The following SLC25A38 variants were observed in gnomAD, a reference collection of about 807,000 sequenced individuals.
SLC25A38 encodes the protein solute carrier family 25 member 38.
SLC25A38 carries 27 observed loss-of-function variants against 33.4 expected under a neutral mutation model. The observed-to-expected ratio is 0.81, with a 90% confidence interval of 0.60 to 1.11. The LOEUF (loss-of-function observed/expected upper bound fraction) is 1.11, where lower values mean the gene tolerates loss of function less well. Ranked by LOEUF, SLC25A38 falls within the 50% of genes most tolerant of loss-of-function variation. SLC25A38 has a pLI of 0.00. For missense variants in SLC25A38, 344 were observed against 388.8 expected (o/e 0.88, Z 0.97); for synonymous variants, 123 against 145.9 (o/e 0.84, Z 1.13).
chr3:39,394,747 T>TA (rs1374743207), intron 6 of SLC25A38, among the ~76,000 whole-genome samples, 171 bp downstream of exon 6: 2 of 151,942 alleles, frequency 1.3e-5, no homozygotes, highest in Non-Finnish European at 2.9e-5. Context: ...GATTTTTTTT[T>TA]TAATGTTCCC....
chr3:39,383,764 G>C lies in SLC25A38; in HGVS notation c.40G>C (p.Asp14His). Residue 14 changes from aspartate (D) to histidine (H), a missense_variant, in exon 1 of 7, where the codon GAT (aspartate) becomes CAT (histidine). Asp to His is a moderately conservative substitution (Grantham distance 81). Coordinates refer to ENST00000650617, the MANE Select transcript of SLC25A38 (RefSeq NM_017875.4). ...NSRPSLLQPQ[D>H]VGDTVETLML... The stretch of plus-strand genomic sequence containing the variant: ...ACGTCCGTCGCTGCTGCAACCCCAA[G>C]ATGTCGGAGACACGGTGGAAACGCT... 3 of 1,614,170 alleles carry C rather than the reference G, an allele frequency of 1.9e-6. No homozygotes were observed. Among genetic ancestry groups the C allele is most frequent in the Non-Finnish European group, 1.7e-6 (2 of 1,180,002 alleles).
chr3:39,394,919 A>ACC (rs2125583252), intron 6 of SLC25A38, among the ~76,000 whole-genome samples: 1 of 151,946 alleles, frequency 6.6e-6, no homozygotes, highest in Admixed American at 6.6e-5. Context: ...TGAAATTAGT[A>ACC]CTCTAATTGA....
At chr3:39,396,303 C>A in intron 6 of SLC25A38, 95 bp from the exon 7 acceptor site, 1 of 1,573,404 alleles carries the variant, frequency 6.4e-7, no homozygotes, top group Non-Finnish European at 8.7e-7. Flanking sequence ...AAGTCTTAAA[C>A]ATGGGATAAC....
rs368788683 is a variant in SLC25A38 at position 39,391,919 on chromosome 3, C to T, written c.523C>T (p.Arg175Trp). The T allele has an allele frequency of 3.0e-5, 49 of 1,614,022 alleles. No individual in the cohort carries two copies. Among genetic ancestry groups the T allele is most frequent in the Non-Finnish European group, 3.6e-5 (43 of 1,180,030 alleles). ...LRSIYHSEGH[R>W]GLFSGLTATL... is the part of the protein sequence containing the mutation. ...GAGCATCTATCACAGTGAGGGGCAC[C>T]GGGGCCTCTTCAGTGGCCTGACAGC... The change falls in exon 5 of 7, where the codon CGG (arginine) becomes TGG (tryptophan). Residue 175 changes from arginine (R) to tryptophan (W), a missense_variant. By Grantham distance (101) the Arg-to-Trp change is moderately radical (BLOSUM62 -3). Transcript: ENST00000650617.
chr3:39,394,668 CTAGAGAGCTTT>C (rs1382976821), intron 6 of SLC25A38, 92 bp downstream of exon 6: 3 of 1,474,768 alleles, frequency 2.0e-6, no homozygotes, highest in Non-Finnish European at 2.8e-6. Flanking sequence ...TTAAAATTGC[CTAGAGAGCTTT>C]TAAAAATCCC....
intron 1 of SLC25A38, among the ~76,000 whole-genome samples, chr3:39,386,655 T>G (rs567659803): frequency 1.3e-5 from 2 of 152,078 alleles, no homozygotes; most frequent in African/African-American, 4.8e-5. Context: ...GACAAATGGG[T>G]AAAAAATTGG....
At position 39,383,457 on chromosome 3, in the gene SLC25A38, G is replaced by C; in HGVS notation, c.-268G>C. The C allele has an allele frequency of 1.9e-6, 1 of 523,120 alleles. No homozygotes were observed. Among genetic ancestry groups the C allele is most frequent in the Non-Finnish European group, 3.5e-6 (1 of 288,792 alleles). 32.4% of individuals were successfully genotyped at this position (523,120 alleles called of 1,614,324 possible). ...AGCCTGCAGCAGGGCAGGATGGGCA[G>C]GAGAGCAGAGCCGCGGAGTCTGCGG... On this transcript the variant is annotated 5_prime_UTR_variant, in exon 1 of 7. Transcript: ENST00000650617.
intron 6 of SLC25A38, among the ~76,000 whole-genome samples, chr3:39,395,923 G>A (rs2041822911): frequency 6.7e-6 from 1 of 149,618 alleles, no homozygotes; most frequent in African/African-American, 2.5e-5. Flanking sequence ...AAAAAAAATG[G>A]TTTTTGGCCA....
Position 39,389,393 on chromosome 3 carries a change from A to G in SLC25A38, c.70-102A>G. 2 of 1,578,688 alleles carry G rather than the reference A, an allele frequency of 1.3e-6. No individual in the cohort carries two copies. The highest frequency in any genetic ancestry group is 1.7e-6 in the Non-Finnish European group (2 of 1,150,238). ...AGAAAACATGAGGCACCACCAGGTA[A>G]GTGTCTAAGAGACCATTATAAAGGA... On this transcript the variant is annotated intron_variant, in intron 1 of 6. Coordinates refer to ENST00000650617, the MANE Select transcript of SLC25A38 (RefSeq NM_017875.4). This position sits in a 1 kb window ranked among gnomAD's most constrained non-coding sequence, Gnocchi z 4.5.
At chr3:39,393,448 A>G (rs2041796318) in intron 5 of SLC25A38, among the ~76,000 whole-genome samples, 1 of 152,212 alleles carries the variant, frequency 6.6e-6, no homozygotes, top group Non-Finnish European at 1.5e-5. Context: ...CCTATGAATA[A>G]GGACATCCTG....
In SLC25A38 at chr3:39,389,433, T is replaced by A; in HGVS notation, c.70-62T>A. On this transcript the variant is annotated intron_variant, in intron 1 of 6. Transcript: ENST00000650617. The surrounding 1 kb of genome is among the most constrained non-coding windows in gnomAD (Gnocchi z 4.5). ...ATTATAAAGGAATTTGCTGGTCAGGTATAGAGAAAGGTGAGGCTCACACAG... is the reference window on the plus strand; with the variant it reads ...ATTATAAAGGAATTTGCTGGTCAGGAATAGAGAAAGGTGAGGCTCACACAG... The A allele has an allele frequency of 1.2e-6, 2 of 1,613,758 alleles. No homozygotes were observed. The highest frequency in any genetic ancestry group is 2.2e-5 in the South Asian group (2 of 90,972).
chr3:39,391,625 G>T lies in SLC25A38; in HGVS notation c.456+5G>T, dbSNP rs1164148090. ...GTAATCAAGACGCGCTATGAGGTGA[G>T]TTCAACCACTTTAGGGCCTCAGGAT... On this transcript the variant is annotated splice_donor_5th_base_variant and intron_variant, in intron 4 of 6. Transcript: ENST00000650617. The T allele has an allele frequency of 6.2e-7, 1 of 1,614,198 alleles. No homozygotes were observed. The highest frequency in any genetic ancestry group is 2.2e-5 in the East Asian group (1 of 44,886).
intron 4 of SLC25A38, 74 bp from the exon 5 acceptor site, chr3:39,391,779 A>G: frequency 6.2e-7 from 1 of 1,608,346 alleles, no homozygotes; most frequent in Non-Finnish European, 8.5e-7. Flanking sequence ...ATGCCCCATA[A>G]CCTGCAGTCT....
intron 3 of SLC25A38, 36 bp downstream of exon 3, chr3:39,390,543 C>T: frequency 6.3e-7 from 1 of 1,593,828 alleles, no homozygotes; most frequent in Admixed American, 1.7e-5. Context: ...CCCTAGCATC[C>T]ACTCCTTAAT....
rs374939671 is a variant in SLC25A38, at chr3:39,386,756, T to C, written c.70-2739T>C. Among the ~76,000 whole-genome samples, 27 of 152,198 alleles carry C rather than the reference T, an allele frequency of 1.8e-4. No homozygotes were observed. The South Asian group carries it at 5.4e-3, about 30-fold the overall frequency. On this transcript the variant is annotated intron_variant, in intron 1 of 6. Transcript: ENST00000650617. ...GTTTTGGAGATAGAGTGAACAAGTG[T>C]GGAGAGGCCAAGTCCAAGGATGGTG...
Position 39,385,019 on chromosome 3 carries a change from C to T in SLC25A38, c.69+1226C>T, listed in dbSNP as rs565951684. On this transcript the variant is annotated intron_variant, in intron 1 of 6. Coordinates refer to ENST00000650617, the MANE Select transcript of SLC25A38 (RefSeq NM_017875.4). ...GTTTCACCATGTTGGCCAGGCTGGT[C>T]TTGAACTCCTGACCTCAAGTGATCC... is the stretch of plus-strand genomic sequence containing the variant. 2.0e-5 allele frequency among the ~76,000 whole-genome samples: 3 copies of T among 152,206 alleles called. 1 individual carries two copies. The highest frequency in any genetic ancestry group is 7.2e-5 in the African/African-American group (3 of 41,526).
At chr3:39,384,667 G>A in intron 1 of SLC25A38, 1 of 398,522 alleles carries the variant, frequency 2.5e-6, no homozygotes, top group African/African-American at 2.1e-5. Flanking sequence ...GGAATTGCTT[G>A]TGGATCCAGT....
Position 39,389,953 on chromosome 3 carries a change from T to G in SLC25A38, c.191+337T>G, listed in dbSNP as rs2041743467. Among the ~76,000 whole-genome samples the G allele has an allele frequency of 6.6e-6, 1 of 152,180 alleles. No individual in the cohort carries two copies. The highest frequency in any genetic ancestry group is 2.1e-4 in the South Asian group (1 of 4,834). ...TCTGTTTTTGTTTTTGTTTTATTTG[T>G]TTTTTGAGGCAGATGCTCGCTCTGT... On this transcript the variant is annotated intron_variant, in intron 2 of 6. Coordinates refer to ENST00000650617, the MANE Select transcript of SLC25A38 (RefSeq NM_017875.4). This position sits in a 1 kb window ranked among gnomAD's most constrained non-coding sequence, Gnocchi z 4.5.
Position 39,389,417 on chromosome 3 carries a change from G to T in SLC25A38, c.70-78G>T. The T allele has an allele frequency of 6.2e-7, 1 of 1,610,278 alleles. No individual in the cohort carries two copies. The highest frequency in any genetic ancestry group is 8.5e-7 in the Non-Finnish European group (1 of 1,177,078). ...AAGTGTCTAAGAGACCATTATAAAG[G>T]AATTTGCTGGTCAGGTATAGAGAAA... On this transcript the variant is annotated intron_variant, in intron 1 of 6. Transcript: ENST00000650617. This position sits in a 1 kb window ranked among gnomAD's most constrained non-coding sequence, Gnocchi z 4.5.
Sources: gnomAD v4.1 joint callset for allele counts (sites outside exome capture counted in the v4.1 genomes callset) on GRCh38, gnomAD v4.1.1 for gene constraint, Gnocchi (gnomAD v3.1) non-coding constraint, MANE v1.5 for transcripts, NCBI Gene and HGNC (gene_info 2026-07-23, HGNC 2026-07-21) for gene names.